The following OPCML variants were observed in gnomAD, a reference collection of about 807,000 sequenced individuals.
OPCML encodes opioid-binding protein/cell adhesion molecule.
In OPCML, 13 loss-of-function variants were observed where a neutral mutation model predicts 37.8. The observed-to-expected ratio is 0.34, with a 90% CI of 0.22 to 0.55. The LOEUF is 0.55. OPCML is among the 20% of genes least tolerant of loss of function. The pLI is 0.91. For missense variants in OPCML, 341 were observed against 435.6 expected (o/e 0.78, Z 1.93); for synonymous variants, 176 against 168.8 (o/e 1.04, Z -0.33).
intron 1 of OPCML, among the ~76,000 whole-genome samples, chr11:132,967,526 T>C (rs1030025771): frequency 2.6e-5 from 4 of 152,128 alleles, no homozygotes; most frequent in African/African-American, 4.8e-5. Flanking sequence ...TCTGGTGTTA[T>C]TTCATTACTC....
intron 1 of OPCML, among the ~76,000 whole-genome samples, chr11:132,947,611 T>C (rs1396392749): frequency 6.6e-6 from 1 of 152,204 alleles, no homozygotes; most frequent in Non-Finnish European, 1.5e-5. Flanking sequence ...TGTGCATTTA[T>C]AGAATATAAG....
intron 2 of OPCML, among the ~76,000 whole-genome samples, chr11:132,863,366 ACG>A (rs1942388556): frequency 6.6e-6 from 1 of 152,198 alleles, no homozygotes; most frequent in Non-Finnish European, 1.5e-5. Context: ...GGCAGTGAGG[ACG>A]TGTGTGAATA....
chr11:133,390,444 C>A (rs765169048), intron 1 of OPCML, among the ~76,000 whole-genome samples: 11 of 152,048 alleles, frequency 7.2e-5, no homozygotes, highest in Non-Finnish European at 1.3e-4. Flanking sequence ...GCCCGGGTGA[C>A]AGAACAAGAC....
chr11:133,215,802 G>T (rs375181464), intron 1 of OPCML, among the ~76,000 whole-genome samples: 1 of 152,212 alleles, frequency 6.6e-6, no homozygotes, highest in South Asian at 2.1e-4. Flanking sequence ...CACCATGCAC[G>T]AGCAGACCCG....
chr11:133,182,544 TAGA>T (rs1213099670), intron 1 of OPCML, among the ~76,000 whole-genome samples: 2 of 152,122 alleles, frequency 1.3e-5, no homozygotes, highest in African/African-American at 2.4e-5. Flanking sequence ...ATGCTCCACT[TAGA>T]AGAATGCCAC....
intron 2 of OPCML, among the ~76,000 whole-genome samples, chr11:132,920,731 G>A (rs1332321758): frequency 6.6e-6 from 1 of 152,136 alleles, no homozygotes; most frequent in African/African-American, 2.4e-5. Context: ...GCAAAACACG[G>A]GTAATTGGAT....
At chr11:132,489,480 G>A (rs1184674468) in intron 4 of OPCML, among the ~76,000 whole-genome samples, 1 of 152,184 alleles carries the variant, frequency 6.6e-6, no homozygotes, top group Non-Finnish European at 1.5e-5. Flanking sequence ...TCTGCTGTAT[G>A]TAATTATACA....
intron 1 of OPCML, among the ~76,000 whole-genome samples, chr11:133,276,768 C>T (rs911841717): frequency 1.6e-4 from 24 of 152,102 alleles, no homozygotes; most frequent in African/African-American, 4.6e-4. Flanking sequence ...TTAGACCACC[C>T]GAGTTTGTTT....
rs533565483 is a variant in OPCML, at chr11:132,587,990, G to T, written c.380-58804C>A. 2.0e-5 allele frequency among the ~76,000 whole-genome samples: 3 copies of T among 152,264 alleles called. No homozygotes were observed. In the East Asian group the frequency reaches 5.8e-4, roughly 29 times the overall value. ...GGTAGAAGTTATGGTTCCCAGAGGT[G>T]CAGGGCCTCCCCTTGGGGATACAGA... On this transcript the variant is annotated intron_variant, in intron 3 of 7. Coordinates refer to ENST00000524381, the MANE Select transcript of OPCML (RefSeq NM_001012393.5).
chr11:132,739,037 C>T (rs1945353151), intron 2 of OPCML, among the ~76,000 whole-genome samples: 1 of 152,138 alleles, frequency 6.6e-6, no homozygotes, highest in Non-Finnish European at 1.5e-5. Context: ...AGGCTTAGAC[C>T]CTTAATAACC....
At position 133,083,027 on chromosome 11, in the gene OPCML, G is replaced by A. The variant is rs563455721; in HGVS notation, c.62-140017C>T. Among the ~76,000 whole-genome samples the A allele has an allele frequency of 4.0e-3, 596 of 150,502 alleles. 9 individuals carry two copies. The highest frequency in any genetic ancestry group is 0.014 in the African/African-American group (580 of 41,164). On this transcript the variant is annotated intron_variant, in intron 1 of 7. Transcript: ENST00000524381. ...GCCGGAGCCCGCGGCGGACGCCCCA[G>A]CCGAGCCCAGCCACTGCCTGGTGGA...
intron 1 of OPCML, among the ~76,000 whole-genome samples, chr11:133,225,144 G>A (rs1253727495): frequency 1.3e-5 from 2 of 152,190 alleles, no homozygotes; most frequent in African/African-American, 4.8e-5. Context: ...TTTCACAGTA[G>A]CTCATATTCT....
At position 133,038,874 on chromosome 11, in the gene OPCML, C is replaced by T. The variant is rs1000141001; in HGVS notation, c.62-95864G>A. 3.3e-5 allele frequency among the ~76,000 whole-genome samples: 5 copies of T among 152,168 alleles called. No individual in the cohort carries two copies. In the East Asian group the frequency reaches 9.7e-4, roughly 29 times the overall value. ...CATTTTTGGTTGAAACAACTCCTCC[C>T]CCAAGTCTCTGTGATCTTGGCAAGG... On this transcript the variant is annotated intron_variant, in intron 1 of 7. Transcript: ENST00000524381.
chr11:133,132,267 C>A (rs923804903), intron 1 of OPCML, among the ~76,000 whole-genome samples: 2 of 152,142 alleles, frequency 1.3e-5, no homozygotes, highest in South Asian at 2.1e-4. Flanking sequence ...GGATAATAAG[C>A]CCATGAACAG....
chr11:132,701,295 C>T (rs944072391), intron 2 of OPCML, among the ~76,000 whole-genome samples: 32 of 152,090 alleles, frequency 2.1e-4, no homozygotes, highest in African/African-American at 6.8e-4. Flanking sequence ...AAATTGACCC[C>T]ATGATTCAAT....
At chr11:133,017,709 A>G (rs182732028) in intron 1 of OPCML, among the ~76,000 whole-genome samples, 1 of 152,272 alleles carries the variant, frequency 6.6e-6, no homozygotes, top group East Asian at 1.9e-4. Flanking sequence ...ATTATAGTTT[A>G]TATCTTTGAT....
intron 3 of OPCML, among the ~76,000 whole-genome samples, chr11:132,600,427 G>A (rs1032054754): frequency 2.0e-5 from 3 of 152,212 alleles, no homozygotes. Flanking sequence ...GCCTCTCCAT[G>A]TGGAGTTTCC....
At chr11:133,079,603 C>G (rs1948676995) in intron 1 of OPCML, among the ~76,000 whole-genome samples, 1 of 152,198 alleles carries the variant, frequency 6.6e-6, no homozygotes, top group African/African-American at 2.4e-5. Context: ...GCAAAGTGCA[C>G]AGCCAGGCGT....
At chr11:132,500,184 C>A (rs1175798150) in intron 4 of OPCML, among the ~76,000 whole-genome samples, 5 of 152,164 alleles carry the variant, frequency 3.3e-5, no homozygotes, top group Non-Finnish European at 7.3e-5. Flanking sequence ...TGTCTTGTCT[C>A]GGTCTTATCA....
Sources: allele counts gnomAD v4.1 joint callset (sites outside exome capture counted in the v4.1 genomes callset), GRCh38; gene constraint gnomAD v4.1.1; transcripts MANE v1.5; gene names NCBI Gene and HGNC (gene_info 2026-07-23, HGNC 2026-07-21).